The following DRICH1 variants were observed in gnomAD, a reference collection of about 807,000 sequenced individuals.
DRICH1 encodes aspartate-rich protein 1.
A neutral mutation model predicts 39.5 loss-of-function variants in DRICH1; 38 were observed. The observed-to-expected ratio is 0.96, with a 90% CI of 0.74 to 1.26. The LOEUF (loss-of-function observed/expected upper bound fraction) is 1.26, where lower values mean the gene tolerates loss of function less well. Ranked by LOEUF, DRICH1 falls within the 50% of genes most tolerant of loss-of-function variation. DRICH1 has a pLI of 0.00. For synonymous variants in DRICH1, 84 were observed against 99.5 expected (o/e 0.84, Z 0.93); for missense variants, 279 against 270.4 (o/e 1.03, Z -0.22).
In DRICH1 at chr22:23,625,974, G is replaced by T. The variant is rs1257966641; in HGVS notation, c.276+7C>A. ...TTTCCTTAGAAGGCAAAGAAAGGGG[G>T]TCTTACCTTGGCATCATCATTGTCT... On this transcript the variant is annotated splice_region_variant and intron_variant, in intron 2 of 11. Coordinates refer to ENST00000317749, the MANE Select transcript of DRICH1 (RefSeq NM_016449.4). The T allele has an allele frequency of 6.2e-6, 10 of 1,609,612 alleles. No homozygotes were observed. Among genetic ancestry groups the T allele is most frequent in the Non-Finnish European group, 7.6e-6 (9 of 1,176,544 alleles).
At chr22:23,592,271 A>T in the DRICH1 span, among the ~76,000 whole-genome samples, 1 of 152,226 alleles carries the variant, frequency 6.6e-6, no homozygotes, top group African/African-American at 2.4e-5. Context: ...AAAGCAGAAC[A>T]AATACAAGGG....
chr22:23,589,375 C>G, the DRICH1 span, among the ~76,000 whole-genome samples: 2 of 151,722 alleles, frequency 1.3e-5, no homozygotes, highest in Non-Finnish European at 2.9e-5. Flanking sequence ...CACCTGAGCC[C>G]AAGAGCTCGA....
chr22:23,591,393 T>C, the DRICH1 span, among the ~76,000 whole-genome samples: 2 of 152,174 alleles, frequency 1.3e-5, no homozygotes, highest in African/African-American at 4.8e-5. Context: ...TCTTGCTGGA[T>C]GGGTCAGGTC....
At chr22:23,600,971 C>T in the DRICH1 span, among the ~76,000 whole-genome samples, 12 of 152,246 alleles carry the variant, frequency 7.9e-5, no homozygotes, top group East Asian at 1.2e-3. Context: ...CGCACCTGGC[C>T]GGCAATTTCT....
chr22:23,604,697 AG>A (rs1350811863), downstream of DRICH1, among the ~76,000 whole-genome samples: 5 of 152,176 alleles, frequency 3.3e-5, no homozygotes, highest in African/African-American at 1.2e-4. Flanking sequence ...TCAGGCTGCA[AG>A]GCCCTCACCA....
chr22:23,600,278 C>T, the DRICH1 span, among the ~76,000 whole-genome samples: 27 of 152,290 alleles, frequency 1.8e-4, no homozygotes, highest in Middle Eastern at 6.8e-3. Context: ...GGTTTGGAAG[C>T]AGCAGGTGGG....
intron 7 of DRICH1, among the ~76,000 whole-genome samples, chr22:23,617,248 A>G (rs115376905): frequency 0.02 from 3,027 of 152,310 alleles, 90 homozygotes; most frequent in African/African-American, 0.068. Flanking sequence ...AGAATTGTGT[A>G]TGTTGTACAT....
intron 3 of DRICH1, among the ~76,000 whole-genome samples, chr22:23,623,076 T>A (rs191588526): frequency 6.6e-6 from 1 of 152,374 alleles, no homozygotes; most frequent in African/African-American, 2.4e-5. Context: ...TTTTTTTGTT[T>A]GATGCCTATT....
At position 23,629,360 on chromosome 22, in the gene DRICH1, C is replaced by G. The variant is rs1483938185; in HGVS notation, c.208+2456G>C. Reference sequence around the variant, plus strand: ...TGCCCATGTCTTCCATTTATTTGCACTGTGTGTGCATCCATTGAGTCAGTG... The same window carrying G: ...TGCCCATGTCTTCCATTTATTTGCAGTGTGTGTGCATCCATTGAGTCAGTG... On this transcript the variant is annotated intron_variant, in intron 1 of 11. Transcript: ENST00000317749. Among the ~76,000 whole-genome samples the G allele has an allele frequency of 4.6e-5, 7 of 152,270 alleles. No homozygotes were observed. The South Asian group carries it at 1.0e-3, about 23-fold the overall frequency.
At chr22:23,618,939 C>T (rs56234965) in intron 6 of DRICH1, among the ~76,000 whole-genome samples, 18,429 of 151,788 alleles carry the variant, frequency 0.12, 1,302 homozygotes, top group Middle Eastern at 0.23. Context: ...TTTGGGAGGC[C>T]GAGGTGGGGG....
chr22:23,587,976 A>G, the DRICH1 span, among the ~76,000 whole-genome samples: 1,516 of 152,238 alleles, frequency 1.0e-2, 14 homozygotes, highest in South Asian at 0.028. Flanking sequence ...CCCAGGTGAC[A>G]TCTGGTCACC....
chr22:23,591,755 T>C, the DRICH1 span, among the ~76,000 whole-genome samples: 6 of 152,256 alleles, frequency 3.9e-5, no homozygotes, highest in East Asian at 1.2e-3. Context: ...AATACGTAAA[T>C]ACACCAGGCG....
At chr22:23,605,174 G>T (rs1906219886), downstream of DRICH1, among the ~76,000 whole-genome samples, 1 of 152,176 alleles carries the variant, frequency 6.6e-6, no homozygotes, top group Non-Finnish European at 1.5e-5. Flanking sequence ...CACCAGTGAT[G>T]AACAGGCCAT....
the DRICH1 span, among the ~76,000 whole-genome samples, chr22:23,588,178 A>G: frequency 2.6e-5 from 4 of 152,092 alleles, no homozygotes; most frequent in Non-Finnish European, 1.5e-5. Flanking sequence ...CCAGGCTGGA[A>G]TGCAGTGGTG....
At chr22:23,582,851 G>A in the DRICH1 span, among the ~76,000 whole-genome samples, 9 of 138,134 alleles carry the variant, frequency 6.5e-5, no homozygotes, top group Non-Finnish European at 1.3e-4. Flanking sequence ...GTGAGCCATC[G>A]TGCCCGGCCA....
downstream of DRICH1, among the ~76,000 whole-genome samples, chr22:23,604,388 C>T (rs368473522): frequency 3.9e-5 from 6 of 152,288 alleles, no homozygotes; most frequent in East Asian, 7.7e-4. Context: ...TTCCCTGTCC[C>T]AGTCTCTGTC....
At chr22:23,585,585 A>G in the DRICH1 span, among the ~76,000 whole-genome samples, 1 of 152,024 alleles carries the variant, frequency 6.6e-6, no homozygotes, top group East Asian at 1.9e-4. Flanking sequence ...TAGTGTAATC[A>G]TGGCTCACTG....
chr22:23,610,294 C>CT (rs1926964262), intron 11 of DRICH1: 1 of 152,232 alleles, frequency 6.6e-6, no homozygotes. Context: ...CTATTGTGCT[C>CT]TTTAAGAAAC....
At chr22:23,614,559 A>T (rs1163479301) in intron 8 of DRICH1, among the ~76,000 whole-genome samples, 2 of 152,234 alleles carry the variant, frequency 1.3e-5, no homozygotes, top group Non-Finnish European at 2.9e-5. Context: ...AACGTATTCA[A>T]GACTGTGTCA....
Sources: gnomAD v4.1 joint callset for allele counts (sites outside exome capture counted in the v4.1 genomes callset) on GRCh38, gnomAD v4.1.1 for gene constraint, MANE v1.5 for transcripts, NCBI Gene and HGNC (gene_info 2026-07-23, HGNC 2026-07-21) for gene names.